The following DDAH2 variants were observed in gnomAD, a reference collection of about 807,000 sequenced individuals.
DDAH2 encodes the protein putative hydrolase DDAH2.
Under a neutral mutation model 24.8 loss-of-function variants are expected in DDAH2, and 8 were observed. That is an observed-to-expected ratio of 0.32 (90% CI 0.19 to 0.58). The LOEUF is 0.58. DDAH2 is among the 20% of genes least tolerant of loss of function. The pLI is 0.87. For synonymous variants in DDAH2, 151 were observed against 166.1 expected (o/e 0.91, Z 0.70); for missense variants, 281 against 379.0 (o/e 0.74, Z 2.15).
In DDAH2 at chr6:31,727,207, C is replaced by T; in HGVS notation, c.*30G>A. On this transcript the variant is annotated 3_prime_UTR_variant, in exon 6 of 6. Transcript: ENST00000375789. The surrounding 1 kb of genome is among the most constrained non-coding windows in gnomAD (Gnocchi z 6.0). ...CTTCTACTTCCTATACTATCCTACC[C>T]CTGGCCAGCAGTACCCCAAGGCCAG... 2 of 1,536,294 alleles carry T rather than the reference C, an allele frequency of 1.3e-6. No homozygotes were observed. Among genetic ancestry groups the T allele is most frequent in the Non-Finnish European group, 1.8e-6 (2 of 1,110,918 alleles).
At position 31,728,687 on chromosome 6, in the gene DDAH2, T is replaced by C; in HGVS notation, c.356A>G (p.Asp119Gly). 1.2e-6 allele frequency: 2 copies of C among 1,612,956 alleles called. No individual in the cohort carries two copies. The highest frequency in any genetic ancestry group is 1.7e-6 in the Non-Finnish European group (2 of 1,180,002). ...DLGLRIVEIG[D>G]ENATLDGTDV... ...AGTGCCATCCAGCGTCGCGTTCTCG[T>C]CTCCTATTTCCACAATTCGGAGCCC... The change falls in exon 2 of 6, where the codon GAC becomes GGC. Residue 119 changes from aspartate (D) to glycine (G), a missense_variant. By Grantham distance (94) the Asp-to-Gly change is moderately conservative (BLOSUM62 -1). Transcript: ENST00000375789. The surrounding 1 kb of genome is among the most constrained non-coding windows in gnomAD (Gnocchi z 9.8).
At chr6:31,729,401 G>C, upstream of DDAH2, 1 of 565,250 alleles carries the variant, frequency 1.8e-6, no homozygotes, top group Non-Finnish European at 3.1e-6. This position sits in a 1 kb window ranked among gnomAD's most constrained non-coding sequence, Gnocchi z 6.7. Context: ...AGCACCCTCA[G>C]GGGTCAGATT....
upstream of DDAH2, chr6:31,729,700 G>A (rs924425825): frequency 6.2e-6 from 1 of 162,408 alleles, no homozygotes; most frequent in Non-Finnish European, 1.4e-5. This position sits in a 1 kb window ranked among gnomAD's most constrained non-coding sequence, Gnocchi z 6.7. Flanking sequence ...AGAAGGGAGA[G>A]AGGTGGGTAG....
rs778580785 is a variant in DDAH2 at position 31,729,081 on chromosome 6, T to C, written c.81A>G (p.Glu27=). 39 of 1,613,000 alleles carry C rather than the reference T, an allele frequency of 2.4e-5. No individual in the cohort carries two copies. Among genetic ancestry groups the C allele is most frequent in the Non-Finnish European group, 2.9e-5 (34 of 1,180,000 alleles). The change falls in exon 1 of 6, where the codon GAA becomes GAG. Residue 27 remains glutamate (E), a synonymous_variant. Coordinates refer to ENST00000375789, the MANE Select transcript of DDAH2 (RefSeq NM_001303007.2). The surrounding 1 kb of genome is among the most constrained non-coding windows in gnomAD (Gnocchi z 6.7). ...RGVPESLASG[E]GAGAGLPALD... is the part of the protein sequence containing the mutation. Reference sequence around the variant, plus strand: ...GAGCGGGAAGGCCAGCCCCCGCACCTTCCCCCGACGCCAGGCTCTCTGGGA... The same window carrying C: ...GAGCGGGAAGGCCAGCCCCCGCACCCTCCCCCGACGCCAGGCTCTCTGGGA...
In DDAH2 at chr6:31,727,578, G is replaced by A. The variant is rs1222558197; in HGVS notation, c.706C>T (p.His236Tyr). 6.2e-7 allele frequency: 1 copy of A among 1,613,092 alleles called. No homozygotes were observed. Among genetic ancestry groups the A allele is most frequent in the South Asian group, 1.1e-5 (1 of 91,086 alleles). Residue 236 changes from histidine (H) to tyrosine (Y), a missense_variant, in exon 5 of 6, where the codon CAC becomes TAC. Transcript: ENST00000375789. The surrounding 1 kb of genome is among the most constrained non-coding windows in gnomAD (Gnocchi z 6.0). The part of the protein sequence containing the change: ...GLPGVPPFLL[H>Y]RGGGDLPNSQ... ...TTGGGCAGATCCCCACCTCCACGGT[G>A]CAGGAGGAAAGGGGGCACACCAGGC...
chr6:31,727,565 C>T lies in DDAH2; in HGVS notation c.719G>A (p.Gly240Glu), dbSNP rs752568510. The T allele has an allele frequency of 8.7e-6, 14 of 1,612,990 alleles. No homozygotes were observed. The highest frequency in any genetic ancestry group is 1.6e-4 in the Middle Eastern group (1 of 6,084). The change falls in exon 5 of 6, where the codon GGG becomes GAG. Residue 240 changes from glycine (G) to glutamate (E), a missense_variant. Transcript: ENST00000375789. This position sits in a 1 kb window ranked among gnomAD's most constrained non-coding sequence, Gnocchi z 6.0. ...VPPFLLHRGG[G>E]DLPNSQEALQ... The stretch of plus-strand genomic sequence containing the variant: ...CACCTCCTGGCTGTTGGGCAGATCC[C>T]CACCTCCACGGTGCAGGAGGAAAGG...
rs1807613551 is a variant in DDAH2, at chr6:31,728,857, G to A, written c.297+8C>T. ...TTCCCCATACCACACCCGCGCCACG[G>A]CGCTCACCTCTGGCCTACGAGCGGG... On this transcript the variant is annotated splice_region_variant and intron_variant, in intron 1 of 5. Transcript: ENST00000375789. This position sits in a 1 kb window ranked among gnomAD's most constrained non-coding sequence, Gnocchi z 9.8. 2.5e-6 allele frequency: 4 copies of A among 1,611,892 alleles called. No homozygotes were observed. The highest frequency in any genetic ancestry group is 3.4e-6 in the Non-Finnish European group (4 of 1,179,382).
In DDAH2 at chr6:31,727,457, A is replaced by C; in HGVS notation, c.741+86T>G. ...AGTGGCCCCACCCAGGCTTCTAGAGAAGGTACCCTTCCTTCCTCCCACTAG... is the reference window on the plus strand; with the variant it reads ...AGTGGCCCCACCCAGGCTTCTAGAGCAGGTACCCTTCCTTCCTCCCACTAG... On this transcript the variant is annotated intron_variant, in intron 5 of 5. Transcript: ENST00000375789. The surrounding 1 kb of genome is among the most constrained non-coding windows in gnomAD (Gnocchi z 6.0). 1 of 1,606,870 alleles carries C rather than the reference A, an allele frequency of 6.2e-7. No homozygotes were observed. Among genetic ancestry groups the C allele is most frequent in the Non-Finnish European group, 8.5e-7 (1 of 1,175,592 alleles).
chr6:31,729,668 G>A (rs1489782303), upstream of DDAH2: 1 of 166,398 alleles, frequency 6.0e-6, no homozygotes, highest in Non-Finnish European at 1.3e-5. The surrounding 1 kb of genome is among the most constrained non-coding windows in gnomAD (Gnocchi z 6.7). Flanking sequence ...GCTGGGGAAT[G>A]GAAGTCCTGA....
At chr6:31,729,460 C>T (rs1285535310), upstream of DDAH2, 1 of 423,264 alleles carries the variant, frequency 2.4e-6, no homozygotes, top group African/African-American at 2.0e-5. This position sits in a 1 kb window ranked among gnomAD's most constrained non-coding sequence, Gnocchi z 6.7. Context: ...ATCTCCAAAA[C>T]ACCTGTTGCC....
Position 31,728,535 on chromosome 6 carries a change from G to C in DDAH2, c.398-11C>G, listed in dbSNP as rs2151307026. On this transcript the variant is annotated splice_polypyrimidine_tract_variant and intron_variant, in intron 2 of 5. Coordinates refer to ENST00000375789, the MANE Select transcript of DDAH2 (RefSeq NM_001303007.2). The surrounding 1 kb of genome is among the most constrained non-coding windows in gnomAD (Gnocchi z 9.8). ...CGAAAAACTCCCGGCCTGAGTCCGG[G>C]AGGCCGCGGAGGTTTGAGGGCGGGA... The C allele has an allele frequency of 6.2e-7, 1 of 1,612,874 alleles. No homozygotes were observed.
chr6:31,727,117 C>T lies in DDAH2; in HGVS notation c.*120G>A. ...ATCCTTTTCCCTACACTCTCCCCTC[C>T]CCCAATATTGAGGCTCTCTCCCAAC... On this transcript the variant is annotated 3_prime_UTR_variant, in exon 6 of 6. Coordinates refer to ENST00000375789, the MANE Select transcript of DDAH2 (RefSeq NM_001303007.2). This position sits in a 1 kb window ranked among gnomAD's most constrained non-coding sequence, Gnocchi z 6.0. The T allele has an allele frequency of 1.3e-6, 1 of 744,462 alleles. No individual in the cohort carries two copies. Among genetic ancestry groups the T allele is most frequent in the South Asian group, 1.6e-5 (1 of 62,956 alleles). 46.1% of individuals were successfully genotyped at this position (744,462 alleles called of 1,614,324 possible).
At position 31,727,815 on chromosome 6, in the gene DDAH2, G is replaced by C. The variant is rs1042622894; in HGVS notation, c.592-123C>G. On this transcript the variant is annotated intron_variant, in intron 4 of 5. Transcript: ENST00000375789. This position sits in a 1 kb window ranked among gnomAD's most constrained non-coding sequence, Gnocchi z 6.0. ...GGAAAATAATGACAGCAAGCACATA[G>C]AGCTTACGATATGTCAGACACTAAG... The C allele has an allele frequency of 9.0e-7, 1 of 1,105,520 alleles. No homozygotes were observed. Among genetic ancestry groups the C allele is most frequent in the Admixed American group, 2.6e-5 (1 of 38,802 alleles). The allele number at this position is 1,105,520 out of a possible 1,614,324, so 68.5% of individuals were successfully genotyped here.
upstream of DDAH2, chr6:31,729,358 A>G: frequency 1.7e-6 from 1 of 596,134 alleles, no homozygotes; most frequent in Non-Finnish European, 3.0e-6. The surrounding 1 kb of genome is among the most constrained non-coding windows in gnomAD (Gnocchi z 6.7). Context: ...CACCCACTCC[A>G]GACCTTCCGC....
At position 31,728,881 on chromosome 6, in the gene DDAH2, G is replaced by A. The variant is rs1275918216; in HGVS notation, c.281C>T (p.Pro94Leu). Reference sequence around the variant, plus strand: ...GGCGCTCACCTCTGGCCTACGAGCGGGGCTCCAGGGCCGCGTGATTAGGGC... The same window carrying A: ...GGCGCTCACCTCTGGCCTACGAGCGAGGCTCCAGGGCCGCGTGATTAGGGC... ...DTALITRPWS[P>L]ARRPEVDGVR... The change falls in exon 1 of 6, where the codon CCC becomes CTC. Residue 94 changes from proline to leucine, a missense_variant. Coordinates refer to ENST00000375789, the MANE Select transcript of DDAH2 (RefSeq NM_001303007.2). The surrounding 1 kb of genome is among the most constrained non-coding windows in gnomAD (Gnocchi z 9.8). 2.5e-6 allele frequency: 4 copies of A among 1,612,782 alleles called. No individual in the cohort carries two copies. In the Admixed American group the frequency reaches 6.7e-5, roughly 27 times the overall value.
upstream of DDAH2, chr6:31,729,504 G>A: frequency 3.2e-6 from 1 of 316,930 alleles, no homozygotes; most frequent in Non-Finnish European, 5.9e-6. The surrounding 1 kb of genome is among the most constrained non-coding windows in gnomAD (Gnocchi z 6.7). Context: ...CCTGTCGGGC[G>A]CCCCTCTTGG....
In DDAH2 at chr6:31,728,444, TCCGCAC is replaced by T. The variant is rs1247106124; in HGVS notation, c.471+1_471+6del. The T allele has an allele frequency of 6.2e-7, 1 of 1,611,326 alleles. No individual in the cohort carries two copies. Among genetic ancestry groups the T allele is most frequent in the Non-Finnish European group, 8.5e-7 (1 of 1,179,556 alleles). On this transcript the variant is annotated splice_donor_variant and splice_donor_5th_base_variant and intron_variant, in intron 3 of 5. Coordinates refer to ENST00000375789, the MANE Select transcript of DDAH2 (RefSeq NM_001303007.2). LOFTEE classifies it high-confidence loss of function. This position sits in a 1 kb window ranked among gnomAD's most constrained non-coding sequence, Gnocchi z 9.8. ...CCCTCCCTCCCTAGGCTGGTCCCGC[TCCGCAC>T]CCGGAACGTGTCCGCCACGATCTCA...
At position 31,729,269 on chromosome 6, in the gene DDAH2, G is replaced by T; in HGVS notation, c.-108C>A. On this transcript the variant is annotated 5_prime_UTR_variant, in exon 1 of 6. Transcript: ENST00000375789. The surrounding 1 kb of genome is among the most constrained non-coding windows in gnomAD (Gnocchi z 6.7). ...AAGGAGGAGACAGAGAAAAAGACAT[G>T]CAGACAAGGGCGTTGGGGGTGGTTA... 1 of 1,005,960 alleles carries T rather than the reference G, an allele frequency of 9.9e-7. No homozygotes were observed. The highest frequency in any genetic ancestry group is 1.5e-6 in the Non-Finnish European group (1 of 684,868). The allele number at this position is 1,005,960 out of a possible 1,614,324, so 62.3% of individuals were successfully genotyped here. A position where few individuals can be genotyped will look rare whatever the true frequency, so the allele number is the denominator to read the frequency against.
Position 31,728,584 on chromosome 6 carries a change from A to T in DDAH2, c.398-60T>A. On this transcript the variant is annotated intron_variant, in intron 2 of 5. Coordinates refer to ENST00000375789, the MANE Select transcript of DDAH2 (RefSeq NM_001303007.2). This position sits in a 1 kb window ranked among gnomAD's most constrained non-coding sequence, Gnocchi z 9.8. Reference sequence around the variant, plus strand: ...GAGTGAGTTAGAAACAAGGCTCCAGACGGCCGAGTCTCCCAAACTCTACTT... The same window carrying T: ...GAGTGAGTTAGAAACAAGGCTCCAGTCGGCCGAGTCTCCCAAACTCTACTT... The T allele has an allele frequency of 1.2e-6, 2 of 1,611,512 alleles. No individual in the cohort carries two copies. Among genetic ancestry groups the T allele is most frequent in the Admixed American group, 3.3e-5 (2 of 59,958 alleles).
Sources: gnomAD v4.1 joint callset for allele counts on GRCh38, gnomAD v4.1.1 for gene constraint, Gnocchi (gnomAD v3.1) non-coding constraint, MANE v1.5 for transcripts, NCBI Gene and HGNC (gene_info 2026-07-23, HGNC 2026-07-21) for gene names.